SCYL1: variants seen among roughly 807,000 people sequenced by gnomAD.
SCYL1 encodes the protein SCY1 like pseudokinase 1.
A neutral mutation model predicts 94.8 loss-of-function variants in SCYL1; 85 were observed. The observed-to-expected ratio is 0.90, with a 90% CI of 0.75 to 1.07. The LOEUF is 1.07. Ranked by LOEUF, SCYL1 falls within the 50% of genes least tolerant of loss-of-function variation. SCYL1 has a pLI of 0.00. For missense variants in SCYL1, 968 were observed against 1,083.3 expected (o/e 0.89, Z 1.49); for synonymous variants, 459 against 435.5 (o/e 1.05, Z -0.67).
At chr11:65,527,210 G>A in intron 6 of SCYL1, 93 bp downstream of exon 6, 2 of 1,401,830 alleles carry the variant, frequency 1.4e-6, no homozygotes, top group Non-Finnish European at 2.0e-6. Flanking sequence ...ACCCTCAGGA[G>A]ACAAGCATGG....
rs191331106 is a variant in SCYL1 at position 65,531,442 on chromosome 11, C to T, written c.1009-134C>T. ...AGATGGAATATGGGTAGAGGAGCTA[C>T]TGAGGAAATGCCTGCCCCCCCCTCC... On this transcript the variant is annotated intron_variant, in intron 7 of 17. Transcript: ENST00000270176. The T allele has an allele frequency of 1.2e-4, 80 of 680,978 alleles. No individual in the cohort carries two copies. In the East Asian group the frequency reaches 1.8e-3, roughly 15 times the overall value. The allele number at this position is 680,978 out of a possible 1,614,324, so 42.2% of individuals were successfully genotyped here.
intron 11 of SCYL1, 36 bp from the exon 12 acceptor site, chr11:65,536,222 AC>A: frequency 6.2e-7 from 1 of 1,608,338 alleles, no homozygotes. Context: ...GTTCTTGGGA[AC>A]CCCAGAGACC....
intron 9 of SCYL1, among the ~76,000 whole-genome samples, chr11:65,534,792 T>A (rs1855558916): frequency 6.6e-6 from 1 of 152,080 alleles, no homozygotes; most frequent in African/African-American, 2.4e-5. Flanking sequence ...GAGGGGGTGG[T>A]GTCCTGGAAG....
intron 12 of SCYL1, 68 bp from the exon 13 acceptor site, chr11:65,536,518 C>T: frequency 6.4e-7 from 1 of 1,560,524 alleles, no homozygotes; most frequent in Non-Finnish European, 8.8e-7. Context: ...ACTGTCAGTT[C>T]CTGCTGTCCT....
chr11:65,526,188 TG>T lies in SCYL1; in HGVS notation c.441del (p.Phe148SerfsTer121). The T allele has an allele frequency of 6.2e-7, 1 of 1,613,428 alleles. No individual in the cohort carries two copies. Among genetic ancestry groups the T allele is most frequent in the Non-Finnish European group, 8.5e-7 (1 of 1,179,996 alleles). On this transcript the variant is annotated frameshift_variant, in exon 4 of 18. Transcript: ENST00000270176. LOFTEE classifies it high-confidence loss of function. This position sits in a 1 kb window ranked among gnomAD's most constrained non-coding sequence, Gnocchi z 4.1. ...LIHNNVCMAA[V>X]FVDRAGEWKL... Reference sequence around the variant, plus strand: ...CACAACAATGTCTGCATGGCCGCCGTGTTCGTGGACCGAGCTGGCGAGTGGA... The same window carrying T: ...CACAACAATGTCTGCATGGCCGCCGTTTCGTGGACCGAGCTGGCGAGTGGA...
chr11:65,534,567 C>T (rs80215598), intron 9 of SCYL1, among the ~76,000 whole-genome samples: 1 of 152,220 alleles, frequency 6.6e-6, no homozygotes, highest in African/African-American at 2.4e-5. Flanking sequence ...TCGAGTTGGC[C>T]ACTGGTTATG....
In SCYL1 at chr11:65,538,236, T is replaced by G. The variant is rs778203615; in HGVS notation, c.2248-34T>G. On this transcript the variant is annotated intron_variant, in intron 16 of 17. Transcript: ENST00000270176. Reference sequence around the variant, plus strand: ...AGAGATGGTGGACCTCAGCCAGAAGTGGGCCCCACTGCAGCCCACACTTCT... The same window carrying G: ...AGAGATGGTGGACCTCAGCCAGAAGGGGGCCCCACTGCAGCCCACACTTCT... 3 of 1,554,668 alleles carry G rather than the reference T, an allele frequency of 1.9e-6. No individual in the cohort carries two copies. The South Asian group carries it at 3.6e-5, about 18-fold the overall frequency.
In SCYL1 at chr11:65,526,922, G is replaced by T. The variant is rs1317023205; in HGVS notation, c.694-40G>T. Reference sequence around the variant, plus strand: ...TTGCCCTGCCTCAGCCCCTCTGCCAGCTGGCTACCCCTGCCCTGACACTGA... The same window carrying T: ...TTGCCCTGCCTCAGCCCCTCTGCCATCTGGCTACCCCTGCCCTGACACTGA... On this transcript the variant is annotated intron_variant, in intron 5 of 17. Transcript: ENST00000270176. The surrounding 1 kb of genome is among the most constrained non-coding windows in gnomAD (Gnocchi z 4.1). The T allele has an allele frequency of 2.5e-6, 4 of 1,610,564 alleles. No homozygotes were observed. Among genetic ancestry groups the T allele is most frequent in the East Asian group, 2.2e-5 (1 of 44,772 alleles).
Position 65,536,043 on chromosome 11 carries a change from G to A in SCYL1, c.1477G>A (p.Ala493Thr). The change falls in exon 11 of 18, where the codon GCC (alanine) becomes ACC (threonine). Residue 493 changes from alanine to threonine, a missense_variant. Transcript: ENST00000270176. ...GGTTGCGGGTGTCCTGGGCTTTGCTGCCACCCACAACCTCTACTCAATGAA... is the reference window on the plus strand; with the variant it reads ...GGTTGCGGGTGTCCTGGGCTTTGCTACCACCCACAACCTCTACTCAATGAA... ...SRVAGVLGFA[A>T]THNLYSMNDC... 6.2e-7 allele frequency: 1 copy of A among 1,614,164 alleles called. No homozygotes were observed. Among genetic ancestry groups the A allele is most frequent in the Non-Finnish European group, 8.5e-7 (1 of 1,180,012 alleles).
At chr11:65,529,277 C>T (rs1169528566) in intron 6 of SCYL1, among the ~76,000 whole-genome samples, 1 of 152,212 alleles carries the variant, frequency 6.6e-6, no homozygotes, top group Non-Finnish European at 1.5e-5. Flanking sequence ...GCCTCCTGGG[C>T]AGTGTCGGGG....
At position 65,538,312 on chromosome 11, in the gene SCYL1, G is replaced by C; in HGVS notation, c.2290G>C (p.Glu764Gln). ...SWGEDNWEGL[E>Q]TDSRQVKAEL... ...GGGTGAGGACAACTGGGAGGGCCTC[G>C]AGACTGACAGTCGTAAGTGCTTCCC... The change falls in exon 17 of 18, where the codon GAG (glutamate) becomes CAG (glutamine). Residue 764 changes from glutamate to glutamine, a missense_variant. Coordinates refer to ENST00000270176, the MANE Select transcript of SCYL1 (RefSeq NM_020680.4). The C allele has an allele frequency of 6.5e-7, 1 of 1,550,170 alleles. No homozygotes were observed. Among genetic ancestry groups the C allele is most frequent in the Non-Finnish European group, 8.7e-7 (1 of 1,146,372 alleles).
At chr11:65,532,932 C>A in intron 9 of SCYL1, 127 bp downstream of exon 9, 2 of 704,526 alleles carry the variant, frequency 2.8e-6, no homozygotes, top group Non-Finnish European at 2.5e-6. Context: ...TGTGTGGGTT[C>A]AGGCCGTGGG....
intron 14 of SCYL1, among the ~76,000 whole-genome samples, chr11:65,537,576 T>C (rs1855741788): frequency 6.6e-6 from 1 of 152,066 alleles, no homozygotes; most frequent in Non-Finnish European, 1.5e-5. Context: ...AGCAGCAGTT[T>C]CTGGCCCTCA....
rs1249485922 is a variant in SCYL1 at position 65,526,745 on chromosome 11, G to C, written c.603-38G>C. 12 of 1,592,084 alleles carry C rather than the reference G, an allele frequency of 7.5e-6. No homozygotes were observed. Among genetic ancestry groups the C allele is most frequent in the Non-Finnish European group, 1.0e-5 (12 of 1,166,400 alleles). On this transcript the variant is annotated intron_variant, in intron 4 of 17. Coordinates refer to ENST00000270176, the MANE Select transcript of SCYL1 (RefSeq NM_020680.4). The surrounding 1 kb of genome is among the most constrained non-coding windows in gnomAD (Gnocchi z 4.1). ...GGCAGGCTGGAGGCCTGTGCAGGTG[G>C]TTGGTGGGGCCCTAAGAGCTCTGGG...
chr11:65,536,453 C>T, intron 12 of SCYL1, 119 bp downstream of exon 12: 1 of 1,407,244 alleles, frequency 7.1e-7, no homozygotes, highest in African/African-American at 1.4e-5. Context: ...GACTCAGCTC[C>T]CCCTTCACAG....
chr11:65,534,156 C>G lies in SCYL1; in HGVS notation c.1231-1071C>G, dbSNP rs192261399. Among the ~76,000 whole-genome samples, 8 of 150,158 alleles carry G rather than the reference C, an allele frequency of 5.3e-5. No individual in the cohort carries two copies. In the East Asian group the frequency reaches 6.0e-4, roughly 11 times the overall value. Reference sequence around the variant, plus strand: ...TGAGGCAGGAGAATGGTGTGAACCTCGGAGATGGAGCTTGCAGTGAGCCGA... The same window carrying G: ...TGAGGCAGGAGAATGGTGTGAACCTGGGAGATGGAGCTTGCAGTGAGCCGA... On this transcript the variant is annotated intron_variant, in intron 9 of 17. Coordinates refer to ENST00000270176, the MANE Select transcript of SCYL1 (RefSeq NM_020680.4).
intron 7 of SCYL1, 66 bp downstream of exon 7, chr11:65,530,853 G>T (rs1855327462): frequency 6.5e-7 from 1 of 1,532,532 alleles, no homozygotes; most frequent in Non-Finnish European, 8.7e-7. Flanking sequence ...AGAAGGCCCT[G>T]GGGTAGGGCA....
chr11:65,525,275 C>T lies in SCYL1; in HGVS notation c.111+11C>T. 7.1e-7 allele frequency: 1 copy of T among 1,417,768 alleles called. No homozygotes were observed. Among genetic ancestry groups the T allele is most frequent in the Non-Finnish European group, 9.3e-7 (1 of 1,080,892 alleles). 87.8% of individuals were successfully genotyped at this position (1,417,768 alleles called of 1,614,324 possible). On this transcript the variant is annotated intron_variant, in intron 1 of 17. Coordinates refer to ENST00000270176, the MANE Select transcript of SCYL1 (RefSeq NM_020680.4). ...CGCGGCCGCAAGAAGGTGAGTGCGG[C>T]CGAGCTCCGTAGGCCGCGGTCGACC...
chr11:65,532,593 G>GC, intron 8 of SCYL1, 99 bp from the exon 9 acceptor site: 1 of 962,416 alleles, frequency 1.0e-6, no homozygotes. Context: ...GCTGGCCAGT[G>GC]CCTGCTGGGT....
Sources: allele counts gnomAD v4.1 joint callset (sites outside exome capture counted in the v4.1 genomes callset), GRCh38; gene constraint gnomAD v4.1.1; non-coding constraint Gnocchi (gnomAD v3.1); transcripts MANE v1.5; gene names NCBI Gene and HGNC (gene_info 2026-07-23, HGNC 2026-07-21).